The following GNAQ variants were observed in gnomAD, a reference collection of about 807,000 sequenced individuals.
The protein encoded by GNAQ is G protein subunit alpha q.
Under a neutral mutation model 43.9 loss-of-function variants are expected in GNAQ, and 8 were observed. That is an observed-to-expected ratio of 0.18 (90% CI 0.11 to 0.33). The LOEUF (loss-of-function observed/expected upper bound fraction) is 0.33. Ranked by LOEUF, GNAQ falls within the 10% of genes least tolerant of loss-of-function variation. The pLI is 1.00. For synonymous variants in GNAQ, 155 were observed against 170.7 expected (o/e 0.91, Z 0.71); for missense variants, 158 against 450.8 (o/e 0.35, Z 5.88).
chr9:77,820,115 A>G (rs1221494509), intron 2 of GNAQ, among the ~76,000 whole-genome samples: 1 of 150,652 alleles, frequency 6.6e-6, no homozygotes, highest in African/African-American at 2.4e-5. Context: ...AAGGAAAAAT[A>G]GTACAAAAAA....
At chr9:77,761,976 G>C (rs1428942329) in intron 5 of GNAQ, among the ~76,000 whole-genome samples, 1 of 135,064 alleles carries the variant, frequency 7.4e-6, no homozygotes, top group Admixed American at 7.1e-5. Context: ...CCGGCCAGCC[G>C]CCCCGTCCGG....
intron 1 of GNAQ, among the ~76,000 whole-genome samples, chr9:77,968,852 A>G (rs1230538299): frequency 1.3e-5 from 2 of 152,168 alleles, no homozygotes; most frequent in Non-Finnish European, 2.9e-5. Context: ...AAGTATGGGG[A>G]TTTTATGGGA....
Position 77,930,894 on chromosome 9 carries a change from G to A in GNAQ, c.137-8549C>T, listed in dbSNP as rs1203508097. Reference sequence around the variant, plus strand: ...GAACCGGGCCGCACAGCAAGAGAGTGGCAGGCATTACTGCCTGAGCTATGC... The same window carrying A: ...GAACCGGGCCGCACAGCAAGAGAGTAGCAGGCATTACTGCCTGAGCTATGC... On this transcript the variant is annotated intron_variant, in intron 1 of 6. Transcript: ENST00000286548. Among the ~76,000 whole-genome samples the A allele has an allele frequency of 3.3e-5, 5 of 152,164 alleles. No individual in the cohort carries two copies. The East Asian group carries it at 9.7e-4, about 30-fold the overall frequency.
chr9:77,845,564 C>A (rs1269696841), intron 2 of GNAQ, among the ~76,000 whole-genome samples: 1 of 152,164 alleles, frequency 6.6e-6, no homozygotes, highest in East Asian at 1.9e-4. Context: ...CTTTAAAGAA[C>A]ACAATTCCAT....
intron 1 of GNAQ, among the ~76,000 whole-genome samples, chr9:77,971,159 T>C (rs1000917545): frequency 2.0e-5 from 3 of 151,906 alleles, no homozygotes; most frequent in African/African-American, 7.3e-5. Context: ...CAAAAAGAAG[T>C]CTAGGACCAG....
At chr9:77,744,784 A>G (rs1825705440) in intron 5 of GNAQ, among the ~76,000 whole-genome samples, 1 of 152,162 alleles carries the variant, frequency 6.6e-6, no homozygotes. Context: ...ATGACTCAAC[A>G]CTTCTGAAAA....
In GNAQ at chr9:77,893,556, G is replaced by A. The variant is rs145316209; in HGVS notation, c.321+28605C>T. ...AGCCCATGCTGCTGTTCTGCCTATG[G>A]AGTAGCCATTCTTTACACCTTTACT... is the stretch of plus-strand genomic sequence containing the variant. On this transcript the variant is annotated intron_variant, in intron 2 of 6. Coordinates refer to ENST00000286548, the MANE Select transcript of GNAQ (RefSeq NM_002072.5). Among the ~76,000 whole-genome samples, 53 of 152,292 alleles carry A rather than the reference G, an allele frequency of 3.5e-4. No homozygotes were observed. In the East Asian group the frequency reaches 9.8e-3, roughly 28 times the overall value.
At chr9:77,812,683 A>G (rs898331519) in intron 3 of GNAQ, among the ~76,000 whole-genome samples, 1 of 152,106 alleles carries the variant, frequency 6.6e-6, no homozygotes, top group African/African-American at 2.4e-5. Flanking sequence ...CTGGGTATAG[A>G]ATGATAAAAA....
intron 2 of GNAQ, among the ~76,000 whole-genome samples, chr9:77,914,016 T>C (rs536787940): frequency 6.6e-6 from 1 of 152,242 alleles, no homozygotes; most frequent in South Asian, 2.1e-4. Flanking sequence ...AGAAAGGCAA[T>C]ATGGCATGCC....
At chr9:77,921,715 T>C (rs1232049396) in intron 2 of GNAQ, among the ~76,000 whole-genome samples, 2 of 152,066 alleles carry the variant, frequency 1.3e-5, no homozygotes, top group African/African-American at 4.8e-5. Context: ...TGAAAGAAAA[T>C]CACAAAATTC....
At position 77,837,573 on chromosome 9, in the gene GNAQ, T is replaced by A. The variant is rs180865340; in HGVS notation, c.322-21803A>T. ...TGTCTCAAAAATAAATAGATTTTTT[T>A]TAAAAAAGCTGTTTCATCATATGAT... On this transcript the variant is annotated intron_variant, in intron 2 of 6. Transcript: ENST00000286548. Among the ~76,000 whole-genome samples, 42 of 151,862 alleles carry A rather than the reference T, an allele frequency of 2.8e-4. 1 individual carries two copies. Among genetic ancestry groups the A allele is most frequent in the Admixed American group, 2.3e-3 (35 of 15,250 alleles).
At chr9:77,757,850 G>T (rs1197395637) in intron 5 of GNAQ, among the ~76,000 whole-genome samples, 1 of 152,202 alleles carries the variant, frequency 6.6e-6, no homozygotes, top group Non-Finnish European at 1.5e-5. Context: ...AACACGGAAA[G>T]TCCTTCTTTA....
chr9:77,865,650 G>A (rs1179722349), intron 2 of GNAQ, among the ~76,000 whole-genome samples: 1 of 152,142 alleles, frequency 6.6e-6, no homozygotes, highest in East Asian at 1.9e-4. Flanking sequence ...GGTGTTCAGA[G>A]TTCCAGGCCC....
intron 3 of GNAQ, among the ~76,000 whole-genome samples, chr9:77,814,011 G>A (rs1318580229): frequency 1.3e-5 from 2 of 152,020 alleles, no homozygotes; most frequent in African/African-American, 4.8e-5. Context: ...AGGGTGGAGG[G>A]TAAATAAGCA....
At chr9:77,761,366 T>G (rs1285789664) in intron 5 of GNAQ, among the ~76,000 whole-genome samples, 18 of 98,404 alleles carry the variant, frequency 1.8e-4, no homozygotes, top group South Asian at 7.2e-4. Flanking sequence ...GTCCGGGAGG[T>G]GAGGGGCGCC....
intron 2 of GNAQ, among the ~76,000 whole-genome samples, chr9:77,915,651 G>C (rs1443042480): frequency 6.6e-6 from 1 of 151,778 alleles, no homozygotes; most frequent in African/African-American, 2.4e-5. Context: ...GGCGGGGGTG[G>C]GGGTGGTGTG....
intron 2 of GNAQ, among the ~76,000 whole-genome samples, chr9:77,889,891 T>C (rs945565846): frequency 1.3e-5 from 2 of 152,220 alleles, no homozygotes; most frequent in East Asian, 1.9e-4. Context: ...AATGAAGCTT[T>C]TGCTTCCATC....
At chr9:77,842,432 C>G (rs1827507494) in intron 2 of GNAQ, among the ~76,000 whole-genome samples, 1 of 152,130 alleles carries the variant, frequency 6.6e-6, no homozygotes, top group South Asian at 2.1e-4. Context: ...TTCATCAAAA[C>G]CAGTTCAGAC....
At chr9:77,933,476 C>T (rs1829182753) in intron 1 of GNAQ, among the ~76,000 whole-genome samples, 1 of 152,084 alleles carries the variant, frequency 6.6e-6, no homozygotes, top group South Asian at 2.1e-4. Flanking sequence ...GAAACCCCAT[C>T]TCTACTAAAA....
Sources: allele counts gnomAD v4.1 joint callset (sites outside exome capture counted in the v4.1 genomes callset), GRCh38; gene constraint gnomAD v4.1.1; transcripts MANE v1.5; gene names NCBI Gene and HGNC (gene_info 2026-07-23, HGNC 2026-07-21).